The following ADAMTS12 variants were observed in gnomAD, a reference collection of about 807,000 sequenced individuals.
ADAMTS12 encodes A disintegrin and metalloproteinase with thrombospondin motifs 12.
A neutral mutation model predicts 167.8 loss-of-function variants in ADAMTS12; 118 were observed. That is an observed-to-expected ratio of 0.70 (90% CI 0.61 to 0.82). The LOEUF is 0.82. ADAMTS12 is among the 40% of genes least tolerant of loss of function. The pLI, the probability that ADAMTS12 is intolerant of heterozygous loss-of-function variation, is 0.00. For synonymous variants in ADAMTS12, 704 were observed against 716.9 expected (o/e 0.98, Z 0.29); for missense variants, 1,916 against 1,998.8 (o/e 0.96, Z 0.79).
At chr5:33,689,144 G>C (rs1045204943) in intron 3 of ADAMTS12, among the ~76,000 whole-genome samples, 4 of 152,090 alleles carry the variant, frequency 2.6e-5, no homozygotes, top group African/African-American at 9.7e-5. Context: ...GAGCCCAACT[G>C]GTGCTAAACA....
chr5:33,532,818 T>A (rs1380027885), intron 23 of ADAMTS12, among the ~76,000 whole-genome samples: 1 of 152,156 alleles, frequency 6.6e-6, no homozygotes, highest in African/African-American at 2.4e-5. Flanking sequence ...AAAATATACT[T>A]AGGAGTATGT....
Position 33,576,217 on chromosome 5 carries a change from T to G in ADAMTS12, c.3809A>C (p.Lys1270Thr). The change falls in exon 19 of 24, where the codon AAA (lysine) becomes ACA (threonine). Residue 1270 changes from lysine to threonine, a missense_variant. Transcript: ENST00000504830. ...SGKTANRNHL[K>T]LPNNMNQTKS... ...TGTTTGGTTCATGTTGTTTGGAAGTTTCAGGTGGTTACGGTTTGCCGTCTT... is the reference window on the plus strand; with the variant it reads ...TGTTTGGTTCATGTTGTTTGGAAGTGTCAGGTGGTTACGGTTTGCCGTCTT... 1.2e-6 allele frequency: 2 copies of G among 1,614,238 alleles called. No individual in the cohort carries two copies. Among genetic ancestry groups the G allele is most frequent in the Non-Finnish European group, 1.7e-6 (2 of 1,180,048 alleles).
chr5:33,726,724 G>A (rs141056033), intron 3 of ADAMTS12, among the ~76,000 whole-genome samples: 1 of 151,438 alleles, frequency 6.6e-6, no homozygotes, highest in African/African-American at 2.5e-5. Flanking sequence ...TAACTTTTGA[G>A]TTAACATATT....
At chr5:33,688,269 G>T (rs1337391100) in intron 3 of ADAMTS12, among the ~76,000 whole-genome samples, 4 of 152,128 alleles carry the variant, frequency 2.6e-5, no homozygotes, top group Non-Finnish European at 5.9e-5. Flanking sequence ...TCCCCACTGA[G>T]ACCATGACAT....
chr5:33,716,664 G>A (rs1286349262), intron 3 of ADAMTS12, among the ~76,000 whole-genome samples: 3 of 151,902 alleles, frequency 2.0e-5, no homozygotes, highest in African/African-American at 7.3e-5. Flanking sequence ...TTTATTTATT[G>A]AAAATTAAAT....
At chr5:33,746,424 A>G (rs1744788543) in intron 3 of ADAMTS12, among the ~76,000 whole-genome samples, 1 of 152,230 alleles carries the variant, frequency 6.6e-6, no homozygotes, top group Admixed American at 6.5e-5. Context: ...ACATTTATTT[A>G]TATTAGAGCA....
At position 33,620,614 on chromosome 5, in the gene ADAMTS12, A is replaced by T. The variant is rs146957900; in HGVS notation, c.2143+3617T>A. Among the ~76,000 whole-genome samples the T allele has an allele frequency of 2.6e-5, 4 of 152,348 alleles. No individual in the cohort carries two copies. In the East Asian group the frequency reaches 7.7e-4, roughly 29 times the overall value. On this transcript the variant is annotated intron_variant, in intron 14 of 23. Coordinates refer to ENST00000504830, the MANE Select transcript of ADAMTS12 (RefSeq NM_030955.4). ...TTTGTTTACACTTCTCTCAACTGCA[A>T]ATGGTGCCATGTGTGGCCTGTAAGT... is the stretch of plus-strand genomic sequence containing the variant.
chr5:33,715,018 G>A (rs1743553610), intron 3 of ADAMTS12, among the ~76,000 whole-genome samples: 1 of 152,014 alleles, frequency 6.6e-6, no homozygotes, highest in Non-Finnish European at 1.5e-5. Context: ...ACCCTGATTT[G>A]ATCATTGTAC....
chr5:33,751,786 G>A lies in ADAMTS12; in HGVS notation c.490-238C>T, dbSNP rs1048079827. The stretch of plus-strand genomic sequence containing the variant: ...TCCATTTGTGACCTTATTGAAAAAA[G>A]TGCACACATACACATGTGTCCGAAA... On this transcript the variant is annotated intron_variant, in intron 2 of 23. Transcript: ENST00000504830. Among the ~76,000 whole-genome samples, 25 of 152,266 alleles carry A rather than the reference G, an allele frequency of 1.6e-4. No homozygotes were observed. In the East Asian group the frequency reaches 4.4e-3, roughly 27 times the overall value.
At chr5:33,739,195 T>C (rs1034780479) in intron 3 of ADAMTS12, among the ~76,000 whole-genome samples, 1 of 152,108 alleles carries the variant, frequency 6.6e-6, no homozygotes, top group Non-Finnish European at 1.5e-5. Context: ...GAGCTGACAG[T>C]GTGTGACGTG....
intron 3 of ADAMTS12, among the ~76,000 whole-genome samples, chr5:33,718,525 T>C (rs1484856802): frequency 6.6e-6 from 1 of 152,126 alleles, no homozygotes; most frequent in Admixed American, 6.6e-5. Context: ...TGCCTGATGA[T>C]CTAAGGTGGA....
At chr5:33,621,824 C>T (rs1739343820) in intron 14 of ADAMTS12, among the ~76,000 whole-genome samples, 1 of 152,168 alleles carries the variant, frequency 6.6e-6, no homozygotes, top group Admixed American at 6.5e-5. Flanking sequence ...CAGTGTTTGA[C>T]AGGCTCACAA....
At chr5:33,880,928 T>C in intron 2 of ADAMTS12, 191 bp downstream of exon 2, 1 of 773,004 alleles carries the variant, frequency 1.3e-6, no homozygotes, top group Non-Finnish European at 2.0e-6. Flanking sequence ...CCTTACTCTT[T>C]GTATCTCTCA....
chr5:33,849,629 AAT>A (rs1234331677), intron 2 of ADAMTS12, among the ~76,000 whole-genome samples: 5 of 108,206 alleles, frequency 4.6e-5, no homozygotes, highest in South Asian at 5.4e-4. Flanking sequence ...ATTGCATAGC[AAT>A]ATATATGTAT....
intron 5 of ADAMTS12, among the ~76,000 whole-genome samples, chr5:33,672,090 C>T (rs1339197798): frequency 1.4e-4 from 2 of 13,828 alleles, no homozygotes; most frequent in Non-Finnish European, 5.8e-3. Flanking sequence ...CATACACACA[C>T]ATCCACACTC....
intron 3 of ADAMTS12, among the ~76,000 whole-genome samples, chr5:33,709,968 C>T (rs553394417): frequency 6.6e-6 from 1 of 151,868 alleles, no homozygotes; most frequent in African/African-American, 2.4e-5. Context: ...CCACGCAAAC[C>T]AAGTGTACGA....
intron 5 of ADAMTS12, among the ~76,000 whole-genome samples, chr5:33,682,259 G>A (rs1231851113): frequency 6.6e-6 from 1 of 152,210 alleles, no homozygotes; most frequent in Non-Finnish European, 1.5e-5. Context: ...TGTTGGGTAA[G>A]GTGGTGATTT....
At chr5:33,814,145 T>C (rs1012696457) in intron 2 of ADAMTS12, among the ~76,000 whole-genome samples, 3 of 152,200 alleles carry the variant, frequency 2.0e-5, no homozygotes, top group African/African-American at 7.2e-5. Flanking sequence ...ATCTTAGTGT[T>C]TTAATGAAGG....
chr5:33,694,453 A>T (rs1186816875), intron 3 of ADAMTS12, among the ~76,000 whole-genome samples: 1 of 151,970 alleles, frequency 6.6e-6, no homozygotes, highest in Non-Finnish European at 1.5e-5. Context: ...CTAGGGAAAC[A>T]AGCAAAATCA....
Sources: gnomAD v4.1 joint callset for allele counts (sites outside exome capture counted in the v4.1 genomes callset) on GRCh38, gnomAD v4.1.1 for gene constraint, MANE v1.5 for transcripts, NCBI Gene and HGNC (gene_info 2026-07-23, HGNC 2026-07-21) for gene names.